Variants in ZBED1 observed in about 807,000 individuals in gnomAD.
The protein encoded by ZBED1 is zinc finger BED-type containing 1, also known as E3 SUMO-protein ligase ZBED1.
ZBED1 carries 19 observed loss-of-function variants against 49.7 expected under a neutral mutation model. The observed-to-expected ratio is 0.38, with a 90% CI of 0.27 to 0.56. The LOEUF is 0.56. Among genes scored for constraint, ZBED1 ranks in the 20% least tolerant of loss-of-function variants. The probability of loss-of-function intolerance (pLI) is 0.70; values close to 1 mark genes in which losing one functional copy is unlikely to be tolerated. For synonymous variants in ZBED1, 439 were observed against 440.3 expected (o/e 1.00, Z 0.04); for missense variants, 806 against 972.6 (o/e 0.83, Z 2.28).
chrX:2,491,040 AG>A (rs1355842156), intron 1 of ZBED1, among the ~76,000 whole-genome samples: 3 of 148,262 alleles, frequency 2.0e-5, no homozygotes, highest in African/African-American at 7.4e-5. Context: ...GCATTTTTGC[AG>A]GGCTGTACCT....
intron 1 of ZBED1, among the ~76,000 whole-genome samples, chrX:2,493,471 C>T (rs897347049): frequency 6.0e-5 from 9 of 150,624 alleles, no homozygotes; most frequent in African/African-American, 1.5e-4. Context: ...TTATTATTAT[C>T]ATTATTATTA....
At position 2,488,680 on chromosome X, in the gene ZBED1, G is replaced by A. The variant is rs748455376; in HGVS notation, c.2040C>T (p.Gly680=). The A allele has an allele frequency of 9.9e-6, 16 of 1,612,402 alleles. No individual in the cohort carries two copies. Among genetic ancestry groups the A allele is most frequent in the Admixed American group, 8.4e-5 (5 of 59,590 alleles). The stretch of plus-strand genomic sequence containing the variant: ...TAATGCCAAAGAAACCGCCGCTGAC[G>A]CCATCCCCCAAGGAGAACACCTGCT... ...DQEQVFSLGD[G]VSGGFFGIRD... is the part of the protein sequence containing the mutation. Residue 680 remains glycine, a synonymous_variant, in exon 2 of 2, where the codon GGC becomes GGT. Coordinates refer to ENST00000652001, the MANE Select transcript of ZBED1 (RefSeq NM_001171136.2).
chrX:2,491,084 T>A (rs2045130036), intron 1 of ZBED1, among the ~76,000 whole-genome samples: 2 of 150,672 alleles, frequency 1.3e-5, no homozygotes, highest in Admixed American at 6.6e-5. Flanking sequence ...TTTTTTTTTT[T>A]TTTGAGACAG....
At chrX:2,500,760 G>A (rs2045407405) in intron 1 of ZBED1, 57 bp downstream of exon 1, 2 of 788,614 alleles carry the variant, frequency 2.5e-6, no homozygotes, top group Non-Finnish European at 1.5e-6. Context: ...CCGCCCCCGA[G>A]CCAGCCCGCG....
At chrX:2,500,716 C>G (rs2045405708) in intron 1 of ZBED1, 101 bp downstream of exon 1, 1 of 386,286 alleles carries the variant, frequency 2.6e-6, no homozygotes, top group Non-Finnish European at 3.6e-6. Flanking sequence ...GGAGCGCCAC[C>G]GCCTCGCCAA....
rs1408900230 is a variant in ZBED1, at chrX:2,490,506, G to A, written c.214C>T (p.Pro72Ser). ...NLSYHLEKNHPEEFCEFVKSN... is the reference protein window; with the variant it reads ...NLSYHLEKNHSEEFCEFVKSN... ...TTGACGAACTCGCAGAATTCCTCGGGGTGGTTCTTCTCCAGGTGGTAGGAC... is the reference window on the plus strand; with the variant it reads ...TTGACGAACTCGCAGAATTCCTCGGAGTGGTTCTTCTCCAGGTGGTAGGAC... Residue 72 changes from proline to serine, a missense_variant, in exon 2 of 2, where the codon CCC becomes TCC. Physicochemically the swap from Pro to Ser is moderately conservative, Grantham distance 74. Around this residue, in one of 2 missense-constraint regions of ZBED1, gnomAD observed 57 missense variants for 111.3 expected, o/e 0.51. Coordinates refer to ENST00000652001, the MANE Select transcript of ZBED1 (RefSeq NM_001171136.2). 6.2e-7 allele frequency: 1 copy of A among 1,613,978 alleles called. No individual in the cohort carries two copies. Among genetic ancestry groups the A allele is most frequent in the South Asian group, 1.1e-5 (1 of 91,068 alleles).
intron 1 of ZBED1, among the ~76,000 whole-genome samples, chrX:2,494,323 C>T (rs1215203889): frequency 2.0e-5 from 3 of 151,530 alleles, no homozygotes; most frequent in Non-Finnish European, 4.4e-5. Flanking sequence ...CAAAAATTTT[C>T]ATTCTATCAT....
intron 1 of ZBED1, among the ~76,000 whole-genome samples, chrX:2,499,692 G>A (rs1347148208): frequency 1.3e-5 from 2 of 151,676 alleles, no homozygotes; most frequent in Non-Finnish European, 2.9e-5. Flanking sequence ...GGATTGCTTC[G>A]GCCCATGAGT....
At chrX:2,492,029 T>C (rs1014772035) in intron 1 of ZBED1, among the ~76,000 whole-genome samples, 3 of 152,066 alleles carry the variant, frequency 2.0e-5, no homozygotes, top group Non-Finnish European at 2.9e-5. Flanking sequence ...GGAGGGTAAA[T>C]ATCAAAATGC....
chrX:2,498,666 C>A (rs2045341676), intron 1 of ZBED1, among the ~76,000 whole-genome samples: 2 of 149,836 alleles, frequency 1.3e-5, no homozygotes, highest in South Asian at 4.3e-4. Flanking sequence ...TTTTCTAATG[C>A]ACAAAGAGCA....
chrX:2,488,922 G>T lies in ZBED1; in HGVS notation c.1798C>A (p.Leu600Met), dbSNP rs764105380. The T allele has an allele frequency of 8.1e-6, 13 of 1,602,170 alleles. No homozygotes were observed. The South Asian group carries it at 1.3e-4, about 17-fold the overall frequency. Residue 600 changes from leucine (L) to methionine (M), a missense_variant, in exon 2 of 2, where the codon CTG becomes ATG. By Grantham distance (15) the Leu-to-Met change is conservative. This residue lies in a region of ZBED1 where 749 missense variants were observed against 861.3 expected (regional missense o/e 0.87). Coordinates refer to ENST00000652001, the MANE Select transcript of ZBED1 (RefSeq NM_001171136.2). ...TACTTCTGCAGCACCTTGGGCAGCA[G>T]GGGGAAGAGGGCCAGGCGGTCTGAC... ...WWSDRLALFPLLPKVLQKYWC... is the reference protein window; with the variant it reads ...WWSDRLALFPMLPKVLQKYWC...
chrX:2,489,794 C>G lies in ZBED1; in HGVS notation c.926G>C (p.Gly309Ala). 2 of 1,613,476 alleles carry G rather than the reference C, an allele frequency of 1.2e-6. No individual in the cohort carries two copies. Among genetic ancestry groups the G allele is most frequent in the Non-Finnish European group, 1.7e-6 (2 of 1,179,868 alleles). The change falls in exon 2 of 2, where the codon GGG becomes GCG. Residue 309 changes from glycine to alanine, a missense_variant. Physicochemically the swap from Gly to Ala is moderately conservative, Grantham distance 60. Transcript: ENST00000652001. ...IQQAFQLPKL[G>A]ALLSRCRKLV... ...TTTGCGGCAGCGCGACAGCAGCGCC[C>G]CCAGCTTCGGGAGCTGGAAGGCCTG...
At chrX:2,499,759 C>T (rs1394449595) in intron 1 of ZBED1, among the ~76,000 whole-genome samples, 1 of 152,010 alleles carries the variant, frequency 6.6e-6, no homozygotes, top group Non-Finnish European at 1.5e-5. Context: ...AAAATTAAAA[C>T]ATTAGACAGG....
At chrX:2,498,968 A>T (rs1055754721) in intron 1 of ZBED1, among the ~76,000 whole-genome samples, 7 of 151,476 alleles carry the variant, frequency 4.6e-5, no homozygotes, top group Non-Finnish European at 8.8e-5. Flanking sequence ...AAGTGGGTTT[A>T]AAAAAAAATA....
intron 1 of ZBED1, among the ~76,000 whole-genome samples, chrX:2,494,215 T>C (rs2045228024): frequency 6.6e-6 from 1 of 151,978 alleles, no homozygotes; most frequent in Non-Finnish European, 1.5e-5. Flanking sequence ...ATTGCTGTTA[T>C]TATTATTTGG....
chrX:2,499,644 C>T (rs1427656981), intron 1 of ZBED1, among the ~76,000 whole-genome samples: 4 of 151,910 alleles, frequency 2.6e-5, no homozygotes, highest in East Asian at 1.9e-4. Context: ...TGGTGGCTCA[C>T]GCCTGTAAAC....
chrX:2,490,827 GC>G, intron 1 of ZBED1, 55 bp from the exon 2 acceptor site: 1 of 1,469,640 alleles, frequency 6.8e-7, no homozygotes, highest in Non-Finnish European at 9.2e-7. Context: ...ACGCACGGGA[GC>G]CCTGCCGGGG....
At chrX:2,491,578 C>G (rs2045146928) in intron 1 of ZBED1, among the ~76,000 whole-genome samples, 6 of 152,316 alleles carry the variant, frequency 3.9e-5, no homozygotes, top group Admixed American at 3.9e-4. Flanking sequence ...ATTAAAGAAG[C>G]CAAACAGGAC....
At position 2,489,649 on chromosome X, in the gene ZBED1, C is replaced by G. The variant is rs768361111; in HGVS notation, c.1071G>C (p.Thr357=). ...CCTTGAGGCGCTGCAGCATGGCCAG[C>G]GTGCTCCCCCACCAGGAGACGCGGT... ...VSNRVSWWGS[T]LAMLQRLKEQ... The change falls in exon 2 of 2, where the codon ACG becomes ACC. Residue 357 remains threonine (T), a synonymous_variant. Coordinates refer to ENST00000652001, the MANE Select transcript of ZBED1 (RefSeq NM_001171136.2). 2 of 1,612,402 alleles carry G rather than the reference C, an allele frequency of 1.2e-6. No individual in the cohort carries two copies. Among genetic ancestry groups the G allele is most frequent in the Admixed American group, 1.7e-5 (1 of 59,972 alleles).
Sources: gnomAD v4.1 joint callset for allele counts (sites outside exome capture counted in the v4.1 genomes callset) on GRCh38, gnomAD v4.1.1 for gene constraint, gnomAD v4.1.1 regional missense constraint, MANE v1.5 for transcripts, NCBI Gene and HGNC (gene_info 2026-07-23, HGNC 2026-07-21) for gene names.